RBM44: variants seen among roughly 807,000 people sequenced by gnomAD.
The protein encoded by RBM44 is RNA-binding protein 44.
Under a neutral mutation model 105.1 loss-of-function variants are expected in RBM44, and 66 were observed. That is an observed-to-expected ratio of 0.63 (90% confidence interval 0.52 to 0.77). RBM44 has a LOEUF of 0.77. Ranked by LOEUF, RBM44 falls within the 30% of genes least tolerant of loss-of-function variation. The probability of loss-of-function intolerance (pLI) is 0.00; values close to 1 mark genes in which losing one functional copy is unlikely to be tolerated. For missense variants in RBM44, 1,122 were observed against 1,207.8 expected (o/e 0.93, Z 1.05); for synonymous variants, 365 against 417.6 (o/e 0.87, Z 1.54).
chr2:237,804,430 A>G (rs949509142), intron 1 of RBM44, among the ~76,000 whole-genome samples: 3 of 152,236 alleles, frequency 2.0e-5, no homozygotes, highest in Non-Finnish European at 2.9e-5. Context: ...CCCTTTCTCC[A>G]CAGCCTTGCC....
At position 237,803,414 on chromosome 2, in the gene RBM44, G is replaced by C. The variant is rs945971682; in HGVS notation, c.-19+4553G>C. 6.6e-6 allele frequency among the ~76,000 whole-genome samples: 1 copy of C among 152,098 alleles called. No individual in the cohort carries two copies. The highest frequency in any genetic ancestry group is 1.5e-5 in the Non-Finnish European group (1 of 68,022). On this transcript the variant is annotated intron_variant, in intron 1 of 15. Coordinates refer to ENST00000316997, the MANE Select transcript of RBM44 (RefSeq NM_001080504.3). The surrounding 1 kb of genome is among the most constrained non-coding windows in gnomAD (Gnocchi z 4.2). ...ATTCTAATGAATGTGAAGTGGTACC[G>C]TGGTTGTTTAAATTTGCATTTCCCT...
intron 13 of RBM44, 145 bp downstream of exon 13, chr2:237,829,647 C>G: frequency 1.4e-6 from 1 of 737,048 alleles, no homozygotes; most frequent in Non-Finnish European, 2.2e-6. Flanking sequence ...GAATCCACCT[C>G]AACCTGCTTT....
intron 8 of RBM44, 107 bp downstream of exon 8, chr2:237,821,934 C>A: frequency 1.4e-6 from 1 of 719,014 alleles, no homozygotes; most frequent in Non-Finnish European, 2.4e-6. Context: ...ACTCAACTGG[C>A]TTACTTTGTG....
chr2:237,833,062 T>A (rs2061918476), intron 13 of RBM44, among the ~76,000 whole-genome samples: 1 of 152,244 alleles, frequency 6.6e-6, no homozygotes, highest in Admixed American at 6.5e-5. Flanking sequence ...TAACTTCAAC[T>A]GTCACTTAAA....
intron 15 of RBM44, among the ~76,000 whole-genome samples, chr2:237,837,277 A>G (rs962033331): frequency 2.2e-4 from 33 of 152,196 alleles, no homozygotes; most frequent in African/African-American, 7.2e-4. Context: ...ATCAAGGAGT[A>G]ATTTTGACTC....
chr2:237,810,669 C>T (rs994397137), intron 1 of RBM44, among the ~76,000 whole-genome samples: 6 of 152,052 alleles, frequency 3.9e-5, no homozygotes, highest in Admixed American at 3.9e-4. Flanking sequence ...AGTCTGCCTC[C>T]CTGAAGAAGA....
chr2:237,818,516 A>C lies in RBM44; in HGVS notation c.1597A>C (p.Thr533Pro), dbSNP rs770330368. 6.2e-7 allele frequency: 1 copy of C among 1,609,126 alleles called. No individual in the cohort carries two copies. The highest frequency in any genetic ancestry group is 8.5e-7 in the Non-Finnish European group (1 of 1,177,666). The change falls in exon 3 of 16, where the codon ACA becomes CCA. Residue 533 changes from threonine (T) to proline (P), a missense_variant. Thr to Pro is a conservative substitution (Grantham distance 38). This residue lies in a region of RBM44 where 918 missense variants were observed against 955.3 expected (regional missense o/e 0.96). Transcript: ENST00000316997. The surrounding 1 kb of genome is among the most constrained non-coding windows in gnomAD (Gnocchi z 4.6). Reference protein sequence around the residue: ...DWSYSEDCIDTQMAITKGSGK... With the variant: ...DWSYSEDCIDPQMAITKGSGK... ...GTCATACAGTGAAGATTGTATAGATACACAGATGGCTATAACAAAAGGATC... is the reference window on the plus strand; with the variant it reads ...GTCATACAGTGAAGATTGTATAGATCCACAGATGGCTATAACAAAAGGATC...
intron 8 of RBM44, among the ~76,000 whole-genome samples, chr2:237,822,084 G>A (rs1328205846): frequency 6.6e-6 from 1 of 152,008 alleles, no homozygotes; most frequent in African/African-American, 2.4e-5. Flanking sequence ...TTGAAAGAGT[G>A]TAATGGTAAT....
At chr2:237,827,591 T>TA (rs1216019245) in intron 12 of RBM44, 88 bp downstream of exon 12, 2 of 779,548 alleles carry the variant, frequency 2.6e-6, no homozygotes, top group Admixed American at 2.5e-5. Context: ...ACAGTGGTGA[T>TA]AAAGTCAAGG....
In RBM44 at chr2:237,841,707, T is replaced by A. The variant is rs1367518273; in HGVS notation, c.*23-132T>A. On this transcript the variant is annotated intron_variant, in intron 15 of 15. Transcript: ENST00000316997. This position sits in a 1 kb window ranked among gnomAD's most constrained non-coding sequence, Gnocchi z 4.5. ...CAAAAATTAATTGCAATTCTCACTATCCATGATGTAAGAAAAATGAAATTT... is the reference window on the plus strand; with the variant it reads ...CAAAAATTAATTGCAATTCTCACTAACCATGATGTAAGAAAAATGAAATTT... 6.6e-6 allele frequency: 1 copy of A among 152,192 alleles called. No individual in the cohort carries two copies. Among genetic ancestry groups the A allele is most frequent in the Non-Finnish European group, 1.5e-5 (1 of 68,018 alleles). The allele number at this position is 152,192 out of a possible 1,614,324, so 9.4% of individuals were successfully genotyped here.
chr2:237,839,203 T>A (rs894969431), intron 15 of RBM44, among the ~76,000 whole-genome samples: 1 of 152,202 alleles, frequency 6.6e-6, no homozygotes, highest in Non-Finnish European at 1.5e-5. Flanking sequence ...GAACAACGAA[T>A]CCATGTTGTA....
intron 13 of RBM44, among the ~76,000 whole-genome samples, chr2:237,832,555 T>C (rs2150988627): frequency 6.6e-6 from 1 of 152,284 alleles, no homozygotes; most frequent in Middle Eastern, 3.4e-3. Context: ...GCTGTGGCAG[T>C]GGGCCATGGG....
At chr2:237,813,992 T>C (rs1293366839) in intron 2 of RBM44, among the ~76,000 whole-genome samples, 3 of 152,154 alleles carry the variant, frequency 2.0e-5, no homozygotes, top group Non-Finnish European at 4.4e-5. Flanking sequence ...GCAGGTTGAC[T>C]TCTGCTGCCC....
intron 15 of RBM44, among the ~76,000 whole-genome samples, chr2:237,835,766 C>CT (rs71039781): frequency 7.2e-4 from 106 of 147,590 alleles, no homozygotes; most frequent in Non-Finnish European, 8.2e-4. Flanking sequence ...AATAAGCCAT[C>CT]TTTTTTTTTT....
rs1044329916 is a variant in RBM44, at chr2:237,839,831, CA to C, written c.*23-2004del. ...GAACTTGAACATCAAAGGACACTAT[CA>C]AAAGAGTGAAAAGGCAGCCCATAGA... is the stretch of plus-strand genomic sequence containing the variant. On this transcript the variant is annotated intron_variant, in intron 15 of 15. Coordinates refer to ENST00000316997, the MANE Select transcript of RBM44 (RefSeq NM_001080504.3). Among the ~76,000 whole-genome samples, 14 of 152,214 alleles carry C rather than the reference CA, an allele frequency of 9.2e-5. 1 individual carries two copies. The highest frequency in any genetic ancestry group is 5.2e-4 in the Admixed American group (8 of 15,294).
chr2:237,803,387 C>T lies in RBM44; in HGVS notation c.-19+4526C>T, dbSNP rs960740103. 3.3e-5 allele frequency among the ~76,000 whole-genome samples: 5 copies of T among 151,944 alleles called. No homozygotes were observed. The highest frequency in any genetic ancestry group is 1.2e-4 in the African/African-American group (5 of 41,332). ...CACACACACACACACAAATTTTAAG[C>T]CATTCTAATGAATGTGAAGTGGTAC... On this transcript the variant is annotated intron_variant, in intron 1 of 15. Coordinates refer to ENST00000316997, the MANE Select transcript of RBM44 (RefSeq NM_001080504.3). The surrounding 1 kb of genome is among the most constrained non-coding windows in gnomAD (Gnocchi z 4.2).
chr2:237,835,325 GGAAA>G (rs1382840909), intron 15 of RBM44, among the ~76,000 whole-genome samples: 1 of 152,062 alleles, frequency 6.6e-6, no homozygotes, highest in Admixed American at 6.6e-5. Flanking sequence ...AGTATTCCAG[GGAAA>G]GAAAGAGTCA....
At chr2:237,835,711 A>C (rs566478133) in intron 15 of RBM44, among the ~76,000 whole-genome samples, 16 of 152,242 alleles carry the variant, frequency 1.1e-4, no homozygotes, top group African/African-American at 3.9e-4. Flanking sequence ...GAGGAAGAAA[A>C]GTGTGAAGCT....
intron 13 of RBM44, among the ~76,000 whole-genome samples, chr2:237,833,054 A>C (rs1273479180): frequency 6.6e-6 from 1 of 152,238 alleles, no homozygotes; most frequent in Non-Finnish European, 1.5e-5. Flanking sequence ...AGAGCACTTA[A>C]CTTCAACTGT....
Sources: gnomAD v4.1 joint callset for allele counts (sites outside exome capture counted in the v4.1 genomes callset) on GRCh38, gnomAD v4.1.1 for gene constraint, gnomAD v4.1.1 regional missense constraint, Gnocchi (gnomAD v3.1) non-coding constraint, MANE v1.5 for transcripts, NCBI Gene and HGNC (gene_info 2026-07-23, HGNC 2026-07-21) for gene names.